AP4E1: variants seen among roughly 807,000 people sequenced by gnomAD.
AP4E1 encodes adaptor related protein complex 4 subunit epsilon 1, also known as AP-4 complex subunit epsilon-1.
Under a neutral mutation model 128.2 loss-of-function variants are expected in AP4E1, and 56 were observed. That is an observed-to-expected ratio of 0.44 (90% CI 0.35 to 0.55). AP4E1 has a LOEUF of 0.55. Ranked by LOEUF, AP4E1 falls within the 20% of genes least tolerant of loss-of-function variation. The probability of loss-of-function intolerance (pLI) is 0.00; values close to 1 mark genes in which losing one functional copy is unlikely to be tolerated. For synonymous variants in AP4E1, 484 were observed against 473.1 expected, an observed-to-expected ratio of 1.02 and a Z score of -0.30; for missense variants, 1,324 against 1,307.7, an observed-to-expected ratio of 1.01 and a Z score of -0.19.
chr15:50,920,064 G>A (rs1244120035), intron 3 of AP4E1, among the ~76,000 whole-genome samples: 6 of 120,064 alleles, frequency 5.0e-5, no homozygotes, highest in Admixed American at 1.0e-4. Flanking sequence ...GCAACACAGC[G>A]ATAATATGTC....
chr15:50,949,849 T>A lies in AP4E1; in HGVS notation c.1340T>A (p.Phe447Tyr), dbSNP rs565727348. Residue 447 changes from phenylalanine to tyrosine, a missense_variant, in exon 12 of 21, where the codon TTT (phenylalanine) becomes TAT (tyrosine). Transcript: ENST00000261842. ...ACATATGCTCCTGATAATGCATGGT[T>A]TATTCAGACAATGAATGCTGTGTTT... ...AEKYAPDNAW[F>Y]IQTMNAVFSV... The A allele has an allele frequency of 1.2e-6, 2 of 1,613,566 alleles. No individual in the cohort carries two copies. Among genetic ancestry groups the A allele is most frequent in the South Asian group, 2.2e-5 (2 of 91,072 alleles).
chr15:50,950,265 C>A, intron 13 of AP4E1, 96 bp downstream of exon 13: 1 of 821,204 alleles, frequency 1.2e-6, no homozygotes, highest in South Asian at 1.7e-5. Flanking sequence ...CTTTACTCAG[C>A]TAACTCCTTC....
chr15:50,963,599 G>A (rs1315314853), intron 14 of AP4E1, among the ~76,000 whole-genome samples: 7 of 152,164 alleles, frequency 4.6e-5, no homozygotes, highest in Admixed American at 4.6e-4. Flanking sequence ...TTGGTTAATG[G>A]TTAGTAACAT....
intron 10 of AP4E1, among the ~76,000 whole-genome samples, chr15:50,946,801 A>G (rs1055424153): frequency 5.9e-5 from 9 of 152,206 alleles, no homozygotes; most frequent in East Asian, 1.9e-4. Context: ...AGCCATGCAA[A>G]TGGGAGCTTA....
chr15:50,982,997 T>C (rs2064663611), intron 15 of AP4E1, among the ~76,000 whole-genome samples: 1 of 152,246 alleles, frequency 6.6e-6, no homozygotes, highest in East Asian at 1.9e-4. Flanking sequence ...AAGGTCCTTT[T>C]CTATAATCTA....
chr15:50,924,915 ACT>A (rs1434086865), intron 4 of AP4E1, among the ~76,000 whole-genome samples, 181 bp from the exon 5 acceptor site: 1 of 152,164 alleles, frequency 6.6e-6, no homozygotes, highest in Non-Finnish European at 1.5e-5. Flanking sequence ...TTGTCTACTG[ACT>A]CTATTAAGGC....
At chr15:50,944,931 G>A in intron 10 of AP4E1, 1 of 796,244 alleles carries the variant, frequency 1.3e-6, no homozygotes, top group East Asian at 2.4e-5. Context: ...TGATGGAGAG[G>A]TTAGAATTTG....
intron 10 of AP4E1, 85 bp from the exon 11 acceptor site, chr15:50,947,935 T>C: frequency 8.9e-7 from 1 of 1,127,856 alleles, no homozygotes; most frequent in Non-Finnish European, 1.3e-6. Flanking sequence ...AAGAATCAAC[T>C]GTATGGTCAA....
Position 50,993,601 on chromosome 15 carries a change from A to G in AP4E1, c.2322A>G (p.Leu774=). The G allele has an allele frequency of 1.2e-6, 2 of 1,614,000 alleles. No individual in the cohort carries two copies. The highest frequency in any genetic ancestry group is 1.3e-5 in the African/African-American group (1 of 75,056). The part of the protein sequence containing the change: ...QLLASSLFVG[L]GSESTINLLG... ...TGGCATCATCATTATTTGTTGGTCT[A>G]GGATCAGAAAGTACAATCAACCTGG... The change falls in exon 17 of 21, where the codon CTA becomes CTG. Residue 774 remains leucine, a synonymous_variant. Transcript: ENST00000261842.
At chr15:50,907,798 C>A (rs1440226958), upstream of AP4E1, among the ~76,000 whole-genome samples, 3 of 152,194 alleles carry the variant, frequency 2.0e-5, no homozygotes, top group African/African-American at 7.2e-5. Flanking sequence ...CTAGAAGGGT[C>A]TCAGCGACCC....
intron 15 of AP4E1, among the ~76,000 whole-genome samples, chr15:50,968,723 G>T (rs1389301008): frequency 1.3e-5 from 2 of 152,140 alleles, no homozygotes; most frequent in Non-Finnish European, 2.9e-5. Context: ...TGCCTCCCAG[G>T]CTCAAGTGGT....
intron 13 of AP4E1, among the ~76,000 whole-genome samples, chr15:50,956,877 G>A (rs11857981): frequency 0.14 from 21,701 of 152,146 alleles, 1,653 homozygotes; most frequent in South Asian, 0.19. Flanking sequence ...GCTTTGAGAC[G>A]GGTGCTTCAC....
chr15:50,999,575 AAAT>A (rs1313995693), intron 19 of AP4E1, among the ~76,000 whole-genome samples: 1 of 152,206 alleles, frequency 6.6e-6, no homozygotes, highest in Non-Finnish European at 1.5e-5. Context: ...TATTTAAACT[AAAT>A]AACTCCGAAG....
At chr15:50,914,162 T>G (rs551884298) in intron 2 of AP4E1, among the ~76,000 whole-genome samples, 3 of 152,326 alleles carry the variant, frequency 2.0e-5, no homozygotes, top group African/African-American at 7.2e-5. Flanking sequence ...AATTAACTTT[T>G]ACTGCTTTAA....
chr15:50,910,028 C>T (rs1299209228), intron 1 of AP4E1, among the ~76,000 whole-genome samples: 1 of 151,164 alleles, frequency 6.6e-6, no homozygotes, highest in East Asian at 2.0e-4. Flanking sequence ...GCTCTGTCGC[C>T]CAGGCTGGAG....
chr15:50,940,936 A>G (rs1358626117), intron 8 of AP4E1, among the ~76,000 whole-genome samples: 1 of 152,238 alleles, frequency 6.6e-6, no homozygotes, highest in Non-Finnish European at 1.5e-5. Flanking sequence ...GGATCATCCT[A>G]TAAAATGATT....
chr15:50,941,277 C>G (rs1226531175), intron 8 of AP4E1, among the ~76,000 whole-genome samples, 165 bp from the exon 9 acceptor site: 2 of 152,150 alleles, frequency 1.3e-5, no homozygotes, highest in Non-Finnish European at 2.9e-5. Context: ...ATCCTAGTAA[C>G]TGGGTAAGCC....
intron 20 of AP4E1, among the ~76,000 whole-genome samples, chr15:51,001,735 A>G (rs1027301801): frequency 6.6e-6 from 1 of 152,230 alleles, no homozygotes; most frequent in Non-Finnish European, 1.5e-5. Flanking sequence ...GTAAATGGAT[A>G]CTTGGGTTAC....
At chr15:50,932,258 C>T (rs970486945) in intron 7 of AP4E1, among the ~76,000 whole-genome samples, 3 of 152,100 alleles carry the variant, frequency 2.0e-5, no homozygotes, top group African/African-American at 2.4e-5. Context: ...GGATGACAGG[C>T]GTGAGCCACC....
Sources: allele counts gnomAD v4.1 joint callset (sites outside exome capture counted in the v4.1 genomes callset), GRCh38; gene constraint gnomAD v4.1.1; transcripts MANE v1.5; gene names NCBI Gene and HGNC (gene_info 2026-07-23, HGNC 2026-07-21).